The following RTKN2 variants were observed in gnomAD, a reference collection of about 807,000 sequenced individuals.
RTKN2 encodes rhotekin-2.
In RTKN2, 69 loss-of-function variants were observed where a neutral mutation model predicts 71.5. The ratio of observed to expected loss-of-function variants is 0.96; its 90% CI spans 0.79 to 1.18. The LOEUF (loss-of-function observed/expected upper bound fraction) is 1.18, where lower values mean the gene tolerates loss of function less well. Among genes scored for constraint, RTKN2 ranks in the 50% most tolerant of loss-of-function variants. RTKN2 has a pLI of 0.00. For missense variants in RTKN2, 724 were observed against 719.7 expected (o/e 1.01, Z -0.07); for synonymous variants, 236 against 236.5 (o/e 1.00, Z 0.02).
chr10:62,268,037 T>A (rs1039264519), intron 1 of RTKN2, among the ~76,000 whole-genome samples: 1 of 152,210 alleles, frequency 6.6e-6, no homozygotes, highest in African/African-American at 2.4e-5. Flanking sequence ...GAACCCAGTA[T>A]CAAACCTTCA....
At chr10:62,214,952 A>T in intron 9 of RTKN2, 1 of 650,272 alleles carries the variant, frequency 1.5e-6, no homozygotes, top group Non-Finnish European at 2.6e-6. Flanking sequence ...GTTCTATCTG[A>T]TCTCTGAGAC....
At position 62,193,248 on chromosome 10, in the gene RTKN2, T is replaced by C. The variant is rs1300420512; in HGVS notation, c.*4660A>G. ...TATCTTGAACCATCTGACATAATTA[T>C]GTATATACAAGATCTTTTCAATCTA... On this transcript the variant is annotated 3_prime_UTR_variant, in exon 12 of 12. Coordinates refer to ENST00000373789, the MANE Select transcript of RTKN2 (RefSeq NM_145307.4). 23 of 947,320 alleles carry C rather than the reference T, an allele frequency of 2.4e-5. No homozygotes were observed. Among genetic ancestry groups the C allele is most frequent in the Admixed American group, 6.2e-5 (1 of 16,218 alleles). 58.7% of individuals were successfully genotyped at this position (947,320 alleles called of 1,614,324 possible).
chr10:62,262,556 A>C (rs749713825), intron 2 of RTKN2, 69 bp downstream of exon 2: 44 of 1,101,780 alleles, frequency 4.0e-5, no homozygotes, highest in Non-Finnish European at 5.5e-5. Flanking sequence ...ACTTAAGCTT[A>C]AATTATACTG....
In RTKN2 at chr10:62,217,198, C is replaced by T; in HGVS notation, c.940G>A (p.Gly314Arg). 3 of 1,602,522 alleles carry T rather than the reference C, an allele frequency of 1.9e-6. No homozygotes were observed. The highest frequency in any genetic ancestry group is 2.6e-6 in the Non-Finnish European group (3 of 1,174,772). ...CTGTAAAAACAATAGAGTTTACCTC[C>T]TCGCAAAACACAATACAACCTTCTC... ...SWRRLYCVLR[G>R]GKLYCFYSPE... is the part of the protein sequence containing the mutation. The change falls in exon 9 of 12, where the codon GGA (glycine) becomes AGA (arginine). Residue 314 changes from glycine to arginine, a missense_variant. Coordinates refer to ENST00000373789, the MANE Select transcript of RTKN2 (RefSeq NM_145307.4).
At chr10:62,235,517 C>A (rs1271299218) in intron 6 of RTKN2, among the ~76,000 whole-genome samples, 1 of 152,028 alleles carries the variant, frequency 6.6e-6, no homozygotes, top group African/African-American at 2.4e-5. Flanking sequence ...AAATCTGAAA[C>A]TTTTTGAATG....
At chr10:62,251,314 C>A (rs1366385752) in intron 2 of RTKN2, among the ~76,000 whole-genome samples, 1 of 152,136 alleles carries the variant, frequency 6.6e-6, no homozygotes, top group Non-Finnish European at 1.5e-5. Flanking sequence ...TGTTGTTCAT[C>A]TCTTACTGTG....
intron 8 of RTKN2, among the ~76,000 whole-genome samples, chr10:62,217,696 TTCC>T (rs1841805468): frequency 6.6e-6 from 1 of 152,196 alleles, no homozygotes; most frequent in Admixed American, 6.5e-5. Flanking sequence ...CAAATTTTCT[TTCC>T]TCCTAATGGA....
downstream of RTKN2, among the ~76,000 whole-genome samples, chr10:62,191,858 A>C (rs537455288): frequency 1.8e-4 from 28 of 152,246 alleles, 1 homozygote; most frequent in African/African-American, 6.3e-4. Flanking sequence ...TGAAAATAGG[A>C]GAGGGGTTAT....
At chr10:62,186,242 G>A (rs1482742073) in intron 8 of RTKN2, among the ~76,000 whole-genome samples, 3 of 152,068 alleles carry the variant, frequency 2.0e-5, no homozygotes, top group African/African-American at 7.2e-5. Context: ...TTACATTAGG[G>A]GCATTTTTTA....
intron 6 of RTKN2, among the ~76,000 whole-genome samples, chr10:62,234,693 G>A (rs1006062964): frequency 9.9e-5 from 15 of 151,992 alleles, no homozygotes; most frequent in Non-Finnish European, 1.8e-4. Flanking sequence ...ACAAGGACAC[G>A]TTCTTTGCAA....
intron 6 of RTKN2, among the ~76,000 whole-genome samples, chr10:62,233,446 T>G (rs1842192086): frequency 6.6e-6 from 1 of 152,078 alleles, no homozygotes. Context: ...GAGAAGAAAA[T>G]TAAAGGTCTC....
At chr10:62,189,785 C>T (rs1209905682), downstream of RTKN2, among the ~76,000 whole-genome samples, 3 of 151,470 alleles carry the variant, frequency 2.0e-5, no homozygotes, top group African/African-American at 7.3e-5. Flanking sequence ...GCCAAGATCA[C>T]GCCACTGTAG....
At chr10:62,236,387 C>T (rs1000016760) in intron 5 of RTKN2, 124 bp from the exon 6 acceptor site, 2 of 666,100 alleles carry the variant, frequency 3.0e-6, no homozygotes, top group Admixed American at 2.9e-5. Flanking sequence ...CAAATTAAAA[C>T]CACTATGAGA....
At chr10:62,193,050 C>T, downstream of RTKN2, 2 of 213,994 alleles carry the variant, frequency 9.3e-6, no homozygotes, top group Non-Finnish European at 1.6e-5. Context: ...TACTATTCTC[C>T]CTGTTAATAT....
At chr10:62,207,981 T>C (rs1589339830) in intron 9 of RTKN2, among the ~76,000 whole-genome samples, 2 of 152,290 alleles carry the variant, frequency 1.3e-5, no homozygotes, top group African/African-American at 2.4e-5. Flanking sequence ...AGATTTGAGA[T>C]TATTCACTGT....
downstream of RTKN2, among the ~76,000 whole-genome samples, chr10:62,192,075 A>C (rs181524944): frequency 1.3e-5 from 2 of 152,112 alleles, no homozygotes; most frequent in Admixed American, 1.3e-4. Context: ...CATTAAAATA[A>C]AAAACCCAAA....
chr10:62,244,117 C>T (rs1190073035), intron 3 of RTKN2, among the ~76,000 whole-genome samples: 9 of 152,158 alleles, frequency 5.9e-5, no homozygotes, highest in South Asian at 2.1e-4. Flanking sequence ...AACATTATGA[C>T]ACTTTGTTGC....
chr10:62,185,968 T>C (rs1267760005), intron 8 of RTKN2, among the ~76,000 whole-genome samples: 2 of 152,256 alleles, frequency 1.3e-5, no homozygotes, highest in African/African-American at 2.4e-5. Context: ...GTCCTATGAT[T>C]ACCATTTTAC....
At chr10:62,246,729 G>T (rs984868857) in intron 2 of RTKN2, among the ~76,000 whole-genome samples, 26 of 151,508 alleles carry the variant, frequency 1.7e-4, no homozygotes, top group African/African-American at 6.0e-4. Flanking sequence ...TCTGAAGTTG[G>T]AATATTTTAT....
Sources: allele counts gnomAD v4.1 joint callset (sites outside exome capture counted in the v4.1 genomes callset), GRCh38; gene constraint gnomAD v4.1.1; transcripts MANE v1.5; gene names NCBI Gene and HGNC (gene_info 2026-07-23, HGNC 2026-07-21).